KHDRBS2: variants seen among roughly 807,000 people sequenced by gnomAD.
KHDRBS2 encodes KH domain-containing, RNA-binding, signal transduction-associated protein 2.
A neutral mutation model predicts 44.3 loss-of-function variants in KHDRBS2; 26 were observed. The ratio of observed to expected loss-of-function variants is 0.59; its 90% CI spans 0.43 to 0.81. KHDRBS2 has a LOEUF of 0.81. Among genes scored for constraint, KHDRBS2 ranks in the 40% least tolerant of loss-of-function variants. The pLI is 0.00. For synonymous variants in KHDRBS2, 194 were observed against 151.1 expected (o/e 1.28, Z -2.08); for missense variants, 476 against 433.1 (o/e 1.10, Z -0.88).
chr6:61,782,322 A>T (rs1239159274), intron 6 of KHDRBS2, among the ~76,000 whole-genome samples: 3 of 152,110 alleles, frequency 2.0e-5, no homozygotes, highest in Non-Finnish European at 4.4e-5. Context: ...CATGGGTTTA[A>T]GATCAACCAA....
At chr6:62,130,805 T>A (rs1810118935) in intron 2 of KHDRBS2, among the ~76,000 whole-genome samples, 1 of 151,988 alleles carries the variant, frequency 6.6e-6, no homozygotes, top group Non-Finnish European at 1.5e-5. Flanking sequence ...AAAAAGCCTA[T>A]TTTATAATAG....
the KHDRBS2 span, among the ~76,000 whole-genome samples, chr6:61,548,716 G>T: frequency 6.6e-6 from 1 of 151,888 alleles, no homozygotes; most frequent in South Asian, 2.1e-4. Flanking sequence ...ACAGAAAACA[G>T]ACGGACTCTA....
chr6:61,626,748 G>T, the KHDRBS2 span, among the ~76,000 whole-genome samples: 4 of 152,162 alleles, frequency 2.6e-5, no homozygotes, highest in Non-Finnish European at 5.9e-5. Flanking sequence ...ATACTGTCTT[G>T]TCAAGGACTC....
At chr6:62,026,900 T>C (rs1406308868) in intron 3 of KHDRBS2, among the ~76,000 whole-genome samples, 5 of 152,158 alleles carry the variant, frequency 3.3e-5, no homozygotes, top group Admixed American at 2.0e-4. Flanking sequence ...GTGTGTCTAA[T>C]ACTTTTTGGC....
At chr6:61,573,922 C>T in the KHDRBS2 span, among the ~76,000 whole-genome samples, 1 of 151,088 alleles carries the variant, frequency 6.6e-6, no homozygotes, top group Non-Finnish European at 1.5e-5. Context: ...CAGAACAGTG[C>T]TGGTATTAAA....
At chr6:61,877,578 C>T (rs1184964285) in intron 6 of KHDRBS2, among the ~76,000 whole-genome samples, 3 of 151,592 alleles carry the variant, frequency 2.0e-5, no homozygotes, top group Non-Finnish European at 2.9e-5. Context: ...AGAGGCTCTG[C>T]AAACAAAGAA....
intron 4 of KHDRBS2, among the ~76,000 whole-genome samples, chr6:61,923,548 CATA>C (rs573523000): frequency 2.6e-3 from 394 of 151,952 alleles, no homozygotes; most frequent in African/African-American, 9.0e-3. Flanking sequence ...TGTAATTTAT[CATA>C]ATGACAAATT....
chr6:61,962,225 G>A (rs1768897336), intron 4 of KHDRBS2, among the ~76,000 whole-genome samples: 1 of 152,022 alleles, frequency 6.6e-6, no homozygotes, highest in Admixed American at 6.6e-5. Flanking sequence ...ATAATGATAT[G>A]CTTTGAAAGT....
At chr6:61,983,418 T>A (rs1004239687) in intron 3 of KHDRBS2, among the ~76,000 whole-genome samples, 2 of 151,706 alleles carry the variant, frequency 1.3e-5, no homozygotes, top group Non-Finnish European at 2.9e-5. Flanking sequence ...TACAAAGGCC[T>A]CTTGGGAAAA....
At chr6:62,007,811 C>T (rs183889704) in intron 3 of KHDRBS2, among the ~76,000 whole-genome samples, 1 of 152,158 alleles carries the variant, frequency 6.6e-6, no homozygotes, top group Admixed American at 6.5e-5. Flanking sequence ...TGCTTTATGT[C>T]TTCATATCTA....
intron 3 of KHDRBS2, among the ~76,000 whole-genome samples, chr6:62,041,500 CA>C (rs1422360081): frequency 6.6e-6 from 1 of 151,946 alleles, no homozygotes; most frequent in Non-Finnish European, 1.5e-5. Context: ...GCTTAGTAAA[CA>C]AAAATGTCTT....
At chr6:62,072,921 A>C (rs976118043) in intron 2 of KHDRBS2, among the ~76,000 whole-genome samples, 2 of 152,054 alleles carry the variant, frequency 1.3e-5, no homozygotes, top group East Asian at 1.9e-4. Flanking sequence ...GAATGGTACC[A>C]GCTCCCCCTT....
chr6:62,286,091 C>T lies in KHDRBS2; in HGVS notation c.-143G>A, dbSNP rs1253860167. 1.3e-5 allele frequency: 8 copies of T among 608,234 alleles called. No individual in the cohort carries two copies. The highest frequency in any genetic ancestry group is 2.0e-5 in the Non-Finnish European group (7 of 345,212). 37.7% of individuals were successfully genotyped at this position (608,234 alleles called of 1,614,324 possible). A position where few individuals can be genotyped will look rare whatever the true frequency, so the allele number is the denominator to read the frequency against. The stretch of plus-strand genomic sequence containing the variant: ...CTCTGTGCGTCCTCACTGGCCCATG[C>T]ACCCAGCACCTGCGACTCCCGCCGT... On this transcript the variant is annotated 5_prime_UTR_variant, in exon 1 of 9. Transcript: ENST00000281156.
chr6:61,615,726 T>G, the KHDRBS2 span, among the ~76,000 whole-genome samples: 1 of 152,210 alleles, frequency 6.6e-6, no homozygotes, highest in African/African-American at 2.4e-5. Flanking sequence ...TTTTGAATTT[T>G]CAGATTAGGG....
At chr6:62,107,690 A>G (rs1459315924) in intron 2 of KHDRBS2, among the ~76,000 whole-genome samples, 2 of 152,222 alleles carry the variant, frequency 1.3e-5, no homozygotes, top group African/African-American at 4.8e-5. Context: ...CTGACTTCAA[A>G]CTATACTACA....
At chr6:61,589,574 A>C in the KHDRBS2 span, among the ~76,000 whole-genome samples, 1 of 152,282 alleles carries the variant, frequency 6.6e-6, no homozygotes, top group South Asian at 2.1e-4. Context: ...AACTAGCTAC[A>C]TCACTCAAAC....
intron 4 of KHDRBS2, among the ~76,000 whole-genome samples, chr6:61,975,708 T>G (rs1211357273): frequency 6.7e-6 from 1 of 150,052 alleles, no homozygotes; most frequent in Non-Finnish European, 1.5e-5. Context: ...CTGAAGGTGA[T>G]AGGAGCTATG....
intron 1 of KHDRBS2, among the ~76,000 whole-genome samples, chr6:62,229,425 G>A (rs967681169): frequency 4.6e-5 from 7 of 152,148 alleles, no homozygotes; most frequent in Admixed American, 2.6e-4. Flanking sequence ...CCCGCTCTGG[G>A]AGATTAGTGT....
intron 2 of KHDRBS2, among the ~76,000 whole-genome samples, chr6:62,077,999 C>T (rs533902749): frequency 1.7e-4 from 26 of 152,138 alleles, no homozygotes; most frequent in Middle Eastern, 3.4e-3. Context: ...TCATACCATA[C>T]ATTTGAAAAT....
Sources: allele counts gnomAD v4.1 joint callset (sites outside exome capture counted in the v4.1 genomes callset), GRCh38; gene constraint gnomAD v4.1.1; transcripts MANE v1.5; gene names NCBI Gene and HGNC (gene_info 2026-07-23, HGNC 2026-07-21).